The following COL5A1 variants were observed in gnomAD, a reference collection of about 807,000 sequenced individuals.
COL5A1 encodes the protein collagen alpha-1(V) chain.
Under a neutral mutation model 263.7 loss-of-function variants are expected in COL5A1, and 16 were observed. The ratio of observed to expected loss-of-function variants is 0.06; its 90% CI spans 0.04 to 0.09. COL5A1 has a LOEUF of 0.09. Ranked by LOEUF, COL5A1 falls within the 10% of genes least tolerant of loss-of-function variation. The pLI is 1.00. For missense variants in COL5A1, 2,036 were observed against 2,540.5 expected, an observed-to-expected ratio of 0.80 and a Z score of 4.27; for synonymous variants, 1,012 against 1,004.5, an observed-to-expected ratio of 1.01 and a Z score of -0.14.
At chr9:134,796,736 G>T in intron 35 of COL5A1, 112 bp from the exon 36 acceptor site, 1 of 1,008,658 alleles carries the variant, frequency 9.9e-7, no homozygotes, top group South Asian at 1.3e-5. Flanking sequence ...AGGCCATGGG[G>T]GTGGGAAGAA....
chr9:134,775,013 C>T, intron 27 of COL5A1, 101 bp downstream of exon 27: 1 of 1,100,734 alleles, frequency 9.1e-7, no homozygotes, highest in Non-Finnish European at 1.4e-6. Context: ...GGTTTAATGT[C>T]CCTGCTATTC....
intron 4 of COL5A1, among the ~76,000 whole-genome samples, chr9:134,707,214 G>A (rs1025017471): frequency 1.3e-5 from 2 of 152,182 alleles, no homozygotes; most frequent in Non-Finnish European, 2.9e-5. Context: ...TCTGGGCCAG[G>A]AGCCAAATGT....
intron 31 of COL5A1, among the ~76,000 whole-genome samples, chr9:134,788,566 T>C (rs1349778765): frequency 7.6e-6 from 1 of 131,166 alleles, no homozygotes; most frequent in East Asian, 2.2e-4. Context: ...GCAGATGGAA[T>C]GAATGGGTAG....
At chr9:134,837,843 A>G (rs2132933086) in intron 65 of COL5A1, among the ~76,000 whole-genome samples, 1 of 152,060 alleles carries the variant, frequency 6.6e-6, no homozygotes, top group African/African-American at 2.4e-5. Context: ...ACATACGCAA[A>G]ACCTGAGGCC....
At chr9:134,705,425 G>A (rs1833806555) in intron 4 of COL5A1, among the ~76,000 whole-genome samples, 1 of 152,260 alleles carries the variant, frequency 6.6e-6, no homozygotes, top group Admixed American at 6.5e-5. Context: ...TTCTAGTGGG[G>A]CAGCCTTGCC....
At position 134,696,736 on chromosome 9, in the gene COL5A1, C is replaced by T. The variant is rs1257217542; in HGVS notation, c.278-3173C>T. Among the ~76,000 whole-genome samples the T allele has an allele frequency of 6.6e-6, 1 of 152,124 alleles. No homozygotes were observed. The highest frequency in any genetic ancestry group is 1.5e-5 in the Non-Finnish European group (1 of 68,032). ...CATTTATTGTACTCCTACTGCATACCTAAAATGCTCTAGTGCCTTTGGACT... is the reference window on the plus strand; with the variant it reads ...CATTTATTGTACTCCTACTGCATACTTAAAATGCTCTAGTGCCTTTGGACT... On this transcript the variant is annotated intron_variant, in intron 2 of 65. Coordinates refer to ENST00000371817, the MANE Select transcript of COL5A1 (RefSeq NM_000093.5). The surrounding 1 kb of genome is among the most constrained non-coding windows in gnomAD (Gnocchi z 4.3).
chr9:134,643,922 C>T (rs1227208436), intron 1 of COL5A1, among the ~76,000 whole-genome samples: 1 of 152,146 alleles, frequency 6.6e-6, no homozygotes, highest in Non-Finnish European at 1.5e-5. Context: ...TCCCTCCCTG[C>T]CCATCTCCCC....
At position 134,700,855 on chromosome 9, in the gene COL5A1, A is replaced by T. The variant is rs911670008; in HGVS notation, c.492-316A>T. ...CAGGGACCACGCTCCCAGGGACCAC[A>T]CTCCTGGGTCCCGAGCCAGTGCCGA... On this transcript the variant is annotated intron_variant, in intron 3 of 65. Coordinates refer to ENST00000371817, the MANE Select transcript of COL5A1 (RefSeq NM_000093.5). The surrounding 1 kb of genome is among the most constrained non-coding windows in gnomAD (Gnocchi z 4.0). Among the ~76,000 whole-genome samples the T allele has an allele frequency of 3.3e-5, 5 of 151,650 alleles. No homozygotes were observed. The highest frequency in any genetic ancestry group is 3.4e-3 in the Middle Eastern group (1 of 294).
intron 14 of COL5A1, 77 bp from the exon 15 acceptor site, chr9:134,753,773 C>A: frequency 1.2e-6 from 1 of 821,080 alleles, no homozygotes; most frequent in East Asian, 3.1e-5. Context: ...CCTGCCCCTC[C>A]CCTGCCACCC....
chr9:134,686,772 C>A lies in COL5A1; in HGVS notation c.110-4140C>A, dbSNP rs1833093556. Reference sequence around the variant, plus strand: ...GGATGGACAAGAGGTATTCCCTGGGCAAGCGAGGCTGTGCAGGATGCCTGA... The same window carrying A: ...GGATGGACAAGAGGTATTCCCTGGGAAAGCGAGGCTGTGCAGGATGCCTGA... On this transcript the variant is annotated intron_variant, in intron 1 of 65. Transcript: ENST00000371817. This position sits in a 1 kb window ranked among gnomAD's most constrained non-coding sequence, Gnocchi z 4.6. Among the ~76,000 whole-genome samples, 2 of 152,154 alleles carry A rather than the reference C, an allele frequency of 1.3e-5. No homozygotes were observed.
At chr9:134,654,882 G>T (rs1481267840) in intron 1 of COL5A1, among the ~76,000 whole-genome samples, 2 of 125,740 alleles carry the variant, frequency 1.6e-5, no homozygotes, top group Admixed American at 8.3e-5. Context: ...GGCTGGGGGT[G>T]TGTAGGGCTG....
At chr9:134,683,966 C>G (rs1233384205) in intron 1 of COL5A1, among the ~76,000 whole-genome samples, 10 of 152,362 alleles carry the variant, frequency 6.6e-5, no homozygotes, top group African/African-American at 2.4e-4. Context: ...CGTCCAGGCT[C>G]AGGTTCCGGA....
intron 27 of COL5A1, among the ~76,000 whole-genome samples, chr9:134,779,187 C>T (rs1278344123): frequency 3.9e-5 from 6 of 152,238 alleles, no homozygotes; most frequent in Non-Finnish European, 7.3e-5. Flanking sequence ...TCAAGTCCCA[C>T]GGGCAGGTGG....
chr9:134,811,845 G>T (rs1381696694), intron 46 of COL5A1, among the ~76,000 whole-genome samples: 1 of 152,240 alleles, frequency 6.6e-6, no homozygotes, highest in Non-Finnish European at 1.5e-5. Flanking sequence ...TGATTCGTGA[G>T]AAACATAGTA....
At chr9:134,759,740 A>C (rs1398320634) in intron 18 of COL5A1, among the ~76,000 whole-genome samples, 3 of 64,408 alleles carry the variant, frequency 4.7e-5, no homozygotes, top group Admixed American at 2.3e-4. Flanking sequence ...TCATACACAC[A>C]CACCACACAT....
chr9:134,666,946 G>C (rs1241289819), intron 1 of COL5A1, among the ~76,000 whole-genome samples: 1 of 152,172 alleles, frequency 6.6e-6, no homozygotes, highest in African/African-American at 2.4e-5. Context: ...TCGAGGATGG[G>C]GATGACATGA....
chr9:134,650,837 A>C (rs957997964), intron 1 of COL5A1, among the ~76,000 whole-genome samples: 3 of 152,254 alleles, frequency 2.0e-5, no homozygotes, highest in African/African-American at 7.2e-5. Context: ...TGTGATCCTC[A>C]AACCCGCCCT....
chr9:134,765,667 C>A lies in COL5A1; in HGVS notation c.2035-14C>A, dbSNP rs752596936. On this transcript the variant is annotated splice_polypyrimidine_tract_variant and intron_variant, in intron 20 of 65. Coordinates refer to ENST00000371817, the MANE Select transcript of COL5A1 (RefSeq NM_000093.5). The surrounding 1 kb of genome is among the most constrained non-coding windows in gnomAD (Gnocchi z 5.1). The stretch of plus-strand genomic sequence containing the variant: ...TGCCCGAGTTTAAATCCTATTTTCC[C>A]TTTCCTCTTACAGGGGCCACGTGGT... The A allele has an allele frequency of 4.3e-6, 7 of 1,612,794 alleles. No individual in the cohort carries two copies. The highest frequency in any genetic ancestry group is 5.9e-6 in the Non-Finnish European group (7 of 1,178,972).
rs1836051125 is a variant in COL5A1 at position 134,758,063 on chromosome 9, TGA to T, written c.1882-177_1882-176del. 6.6e-6 allele frequency among the ~76,000 whole-genome samples: 1 copy of T among 151,996 alleles called. No homozygotes were observed. The highest frequency in any genetic ancestry group is 2.1e-4 in the South Asian group (1 of 4,808). ...TGTTCATGTTTGCAGGGGAAGAGGCTGAGATTGTAGATGCAAAGTGGGGGCCT... is the reference window on the plus strand; with the variant it reads ...TGTTCATGTTTGCAGGGGAAGAGGCTGATTGTAGATGCAAAGTGGGGGCCT... On this transcript the variant is annotated intron_variant, in intron 17 of 65. Transcript: ENST00000371817. The surrounding 1 kb of genome is among the most constrained non-coding windows in gnomAD (Gnocchi z 4.1).
Sources: gnomAD v4.1 joint callset for allele counts (sites outside exome capture counted in the v4.1 genomes callset) on GRCh38, gnomAD v4.1.1 for gene constraint, Gnocchi (gnomAD v3.1) non-coding constraint, MANE v1.5 for transcripts, NCBI Gene and HGNC (gene_info 2026-07-23, HGNC 2026-07-21) for gene names.